Variants in TRIM16 observed in about 807,000 individuals in gnomAD.
The protein encoded by TRIM16 is tripartite motif-containing protein 16.
TRIM16 carries 33 observed loss-of-function variants against 50.4 expected under a neutral mutation model. The observed-to-expected ratio is 0.65, with a 90% CI of 0.50 to 0.88. TRIM16 has a LOEUF of 0.88. Ranked by LOEUF, TRIM16 falls within the 40% of genes least tolerant of loss-of-function variation. The pLI is 0.00. For missense variants in TRIM16, 581 were observed against 686.8 expected (o/e 0.85, Z 1.72); for synonymous variants, 229 against 270.7 (o/e 0.85, Z 1.51).
intron 6 of TRIM16, among the ~76,000 whole-genome samples, chr17:15,675,886 G>T (rs1309918788): frequency 4.7e-5 from 7 of 149,310 alleles, no homozygotes; most frequent in Admixed American, 4.7e-4. Context: ...GCAGATACTT[G>T]AATGTTTGTG....
intron 6 of TRIM16, among the ~76,000 whole-genome samples, chr17:15,663,862 C>T (rs951269149): frequency 6.6e-6 from 1 of 152,184 alleles, no homozygotes; most frequent in African/African-American, 2.4e-5. Context: ...AGATGCAGTG[C>T]TGTCATCAGC....
chr17:15,656,812 G>A (rs373315724), intron 6 of TRIM16, among the ~76,000 whole-genome samples: 24 of 152,248 alleles, frequency 1.6e-4, no homozygotes, highest in African/African-American at 5.5e-4. Flanking sequence ...TAACGTAGTG[G>A]TGCAATCACA....
chr17:15,678,683 T>C (rs1597678390), intron 4 of TRIM16, among the ~76,000 whole-genome samples: 1 of 152,224 alleles, frequency 6.6e-6, no homozygotes, highest in Non-Finnish European at 1.5e-5. Context: ...TTCTATTGTA[T>C]TAAGGCCATA....
rs2150928530 is a variant in TRIM16, at chr17:15,662,070, C to A, written c.-337-10124G>T. Among the ~76,000 whole-genome samples, 3 of 152,286 alleles carry A rather than the reference C, an allele frequency of 2.0e-5. No individual in the cohort carries two copies. The Middle Eastern group carries it at 0.01, about 518-fold the overall frequency. On this transcript the variant is annotated intron_variant, in intron 6 of 11. Coordinates refer to ENST00000649191, the MANE Select transcript of TRIM16 (RefSeq NM_001348119.1). ...CATGCACTCCAGCTCCCAGGATGGG[C>A]TCTGTTTATCTGCACCAGACTTGGT...
At chr17:15,657,869 T>C (rs1481302480) in intron 6 of TRIM16, among the ~76,000 whole-genome samples, 1 of 152,226 alleles carries the variant, frequency 6.6e-6, no homozygotes, top group African/African-American at 2.4e-5. Context: ...ATCATTGGCT[T>C]CCTCTTAACC....
At chr17:15,660,079 A>AG in intron 6 of TRIM16, among the ~76,000 whole-genome samples, 1 of 152,048 alleles carries the variant, frequency 6.6e-6, no homozygotes, top group South Asian at 2.1e-4. Context: ...TACTAGTGAG[A>AG]TATAGCCCTT....
chr17:15,662,632 C>T (rs1221217533), intron 6 of TRIM16, among the ~76,000 whole-genome samples: 1 of 152,150 alleles, frequency 6.6e-6, no homozygotes, highest in Non-Finnish European at 1.5e-5. Context: ...GAGAGCAGAT[C>T]AGCCTTTGAA....
intron 6 of TRIM16, among the ~76,000 whole-genome samples, chr17:15,671,089 G>A (rs1988712045): frequency 6.6e-6 from 1 of 152,278 alleles, no homozygotes; most frequent in Non-Finnish European, 1.5e-5. Flanking sequence ...TTCTGATACA[G>A]TCAACTTTGG....
At chr17:15,635,976 C>T in intron 9 of TRIM16, 60 bp downstream of exon 9, 1 of 1,587,074 alleles carries the variant, frequency 6.3e-7, no homozygotes, top group East Asian at 2.3e-5. Flanking sequence ...ATGGGCCTAG[C>T]AAAGAGAGGG....
chr17:15,651,762 T>C lies in TRIM16; in HGVS notation c.-153A>G. The C allele has an allele frequency of 1.3e-6, 2 of 1,497,550 alleles. No individual in the cohort carries two copies. Among genetic ancestry groups the C allele is most frequent in the Non-Finnish European group, 1.8e-6 (2 of 1,128,636 alleles). 92.8% of individuals were successfully genotyped at this position (1,497,550 alleles called of 1,614,324 possible). On this transcript the variant is annotated 5_prime_UTR_variant, in exon 7 of 12. Transcript: ENST00000649191. ...TCCCAGAGGAAGCTCGGCCACTCAT[T>C]ACTGTGTGCTGGCGCTGGATGGCAG...
chr17:15,654,010 G>C (rs1026105250), intron 6 of TRIM16, among the ~76,000 whole-genome samples: 2 of 152,128 alleles, frequency 1.3e-5, no homozygotes, highest in Non-Finnish European at 2.9e-5. Context: ...TTGGGTGGAG[G>C]GGGAGGGGTC....
In TRIM16 at chr17:15,680,952, A is replaced by T. The variant is rs1363124172; in HGVS notation, c.-677T>A. On this transcript the variant is annotated splice_region_variant and 5_prime_UTR_variant, in exon 4 of 12. Coordinates refer to ENST00000649191, the MANE Select transcript of TRIM16 (RefSeq NM_001348119.1). ...AAAGGGCAGGGTCCTCAGAGGGCAG[A>T]ACTGGAAGGAAATTGACATAAAGGA... is the stretch of plus-strand genomic sequence containing the variant. 1.4e-5 allele frequency: 21 copies of T among 1,509,768 alleles called. No individual in the cohort carries two copies. The highest frequency in any genetic ancestry group is 1.7e-4 in the Middle Eastern group (1 of 5,784). 93.5% of individuals were successfully genotyped at this position (1,509,768 alleles called of 1,614,324 possible). A position where few individuals can be genotyped will look rare whatever the true frequency, so the allele number is the denominator to read the frequency against.
At chr17:15,644,760 G>A (rs140490081) in intron 7 of TRIM16, among the ~76,000 whole-genome samples, 6,833 of 151,986 alleles carry the variant, frequency 0.045, 496 homozygotes, top group African/African-American at 0.16. Context: ...AAGAGCTGTC[G>A]GGTGCCAGGA....
chr17:15,656,026 T>G (rs191714895), intron 6 of TRIM16, among the ~76,000 whole-genome samples: 1 of 152,304 alleles, frequency 6.6e-6, no homozygotes, highest in African/African-American at 2.4e-5. Context: ...GACGGCATCA[T>G]GCTCAGGTTG....
intron 6 of TRIM16, among the ~76,000 whole-genome samples, chr17:15,676,431 CTT>C (rs57392285): frequency 0.68 from 85,483 of 125,546 alleles, 28,733 homozygotes; most frequent in South Asian, 0.79. Flanking sequence ...AGAATTTTTT[CTT>C]TTTTTTTTTT....
chr17:15,658,543 G>A (rs998341079), intron 6 of TRIM16, among the ~76,000 whole-genome samples: 6 of 152,098 alleles, frequency 3.9e-5, no homozygotes, highest in South Asian at 2.1e-4. Context: ...TAAACTGATC[G>A]TAACCCTGAA....
intron 4 of TRIM16, among the ~76,000 whole-genome samples, chr17:15,679,884 C>G (rs1299240690): frequency 4.0e-5 from 6 of 149,566 alleles, no homozygotes; most frequent in Non-Finnish European, 4.4e-5. Flanking sequence ...TTGCAGTGAG[C>G]TGAGATCGCG....
At chr17:15,669,023 T>C (rs1389814201) in intron 6 of TRIM16, among the ~76,000 whole-genome samples, 2 of 151,780 alleles carry the variant, frequency 1.3e-5, no homozygotes, top group Admixed American at 6.6e-5. Flanking sequence ...CTGATAAACA[T>C]AGAAAAATAA....
intron 7 of TRIM16, among the ~76,000 whole-genome samples, chr17:15,645,337 G>A (rs1987316862): frequency 6.6e-6 from 1 of 152,038 alleles, no homozygotes; most frequent in African/African-American, 2.4e-5. Flanking sequence ...TGCTACCATG[G>A]CTGCTTTCCA....
Sources: gnomAD v4.1 joint callset for allele counts (sites outside exome capture counted in the v4.1 genomes callset) on GRCh38, gnomAD v4.1.1 for gene constraint, MANE v1.5 for transcripts, NCBI Gene and HGNC (gene_info 2026-07-23, HGNC 2026-07-21) for gene names.